The following MLLT10 variants were observed in gnomAD, a reference collection of about 807,000 sequenced individuals.
MLLT10 encodes protein AF-10.
In MLLT10, 30 loss-of-function variants were observed where a neutral mutation model predicts 129.1. That is an observed-to-expected ratio of 0.23 (90% CI 0.17 to 0.32). The LOEUF is 0.32. Ranked by LOEUF, MLLT10 falls within the 10% of genes least tolerant of loss-of-function variation. The pLI is 1.00. For synonymous variants in MLLT10, 490 were observed against 446.4 expected (o/e 1.10, Z -1.23); for missense variants, 1,119 against 1,268.3 (o/e 0.88, Z 1.79).
At chr10:21,639,511 G>A (rs1205875642) in intron 8 of MLLT10, among the ~76,000 whole-genome samples, 2 of 152,152 alleles carry the variant, frequency 1.3e-5, no homozygotes, top group East Asian at 1.9e-4. Flanking sequence ...AGGATATTAC[G>A]AAGTATACAG....
chr10:21,574,818 G>C (rs2040565940), intron 3 of MLLT10, among the ~76,000 whole-genome samples: 1 of 152,200 alleles, frequency 6.6e-6, no homozygotes, highest in South Asian at 2.1e-4. Flanking sequence ...AGGACGACCA[G>C]AGGTCAGTTT....
intron 3 of MLLT10, among the ~76,000 whole-genome samples, chr10:21,579,965 A>T (rs2041222137): frequency 6.6e-6 from 1 of 150,416 alleles, no homozygotes; most frequent in Non-Finnish European, 1.5e-5. Flanking sequence ...TTTACTTCAC[A>T]TGTTGTATTT....
intron 8 of MLLT10, among the ~76,000 whole-genome samples, chr10:21,622,076 G>A (rs1361769602): frequency 4.0e-5 from 6 of 151,898 alleles, no homozygotes; most frequent in African/African-American, 1.4e-4. Context: ...GTGCGAGCAA[G>A]GAGAGAAGAA....
At chr10:21,686,187 G>T (rs1311161569) in intron 13 of MLLT10, among the ~76,000 whole-genome samples, 2 of 151,972 alleles carry the variant, frequency 1.3e-5, no homozygotes, top group African/African-American at 4.8e-5. Context: ...TCATTCCAGG[G>T]CACCACCACA....
intron 21 of MLLT10, 53 bp downstream of exon 21, chr10:21,735,288 A>G: frequency 7.3e-7 from 1 of 1,364,804 alleles, no homozygotes; most frequent in Non-Finnish European, 1.0e-6. Flanking sequence ...TCTAAGCTGT[A>G]ATATTCACTG....
rs774574843 is a variant in MLLT10, at chr10:21,670,664, T to G, written c.1011T>G (p.Asn337Lys). The change falls in exon 10 of 23, where the codon AAT (asparagine) becomes AAG (lysine). Residue 337 changes from asparagine (N) to lysine (K), a missense_variant. By Grantham distance (94) the Asn-to-Lys change is moderately conservative (BLOSUM62 0). This residue lies in a region of MLLT10 where 1,004 missense variants were observed against 1,008.7 expected (regional missense o/e 1.00). Transcript: ENST00000307729. Reference sequence around the variant, plus strand: ...GAAGAAAGCCTGGTGGTGGAAGAAATCCAGGAACAACTGTGTCAGCAGCTA... The same window carrying G: ...GAAGAAAGCCTGGTGGTGGAAGAAAGCCAGGAACAACTGTGTCAGCAGCTA... ...QRGRKPGGGR[N>K]PGTTVSAASP... 3.7e-6 allele frequency: 6 copies of G among 1,613,992 alleles called. No individual in the cohort carries two copies. Among genetic ancestry groups the G allele is most frequent in the Non-Finnish European group, 5.1e-6 (6 of 1,180,022 alleles).
chr10:21,741,489 T>G (rs76297276), intron 22 of MLLT10, among the ~76,000 whole-genome samples: 1 of 152,134 alleles, frequency 6.6e-6, no homozygotes, highest in African/African-American at 2.4e-5. Context: ...ACAGTGACAT[T>G]TGTGATTTCA....
At chr10:21,584,248 C>T (rs551206037) in intron 3 of MLLT10, among the ~76,000 whole-genome samples, 2 of 150,464 alleles carry the variant, frequency 1.3e-5, no homozygotes, top group South Asian at 2.1e-4. Flanking sequence ...GCTGCAACCT[C>T]CGCCTTCCGG....
intron 5 of MLLT10, among the ~76,000 whole-genome samples, chr10:21,604,239 A>G (rs1407346715): frequency 6.6e-6 from 1 of 152,160 alleles, no homozygotes; most frequent in African/African-American, 2.4e-5. Flanking sequence ...AAAGTCCCAA[A>G]TCTCATCTTC....
At position 21,740,117 on chromosome 10, in the gene MLLT10, G is replaced by A. The variant is rs760105907; in HGVS notation, c.3043G>A (p.Gly1015Arg). The change falls in exon 22 of 23, where the codon GGA (glycine) becomes AGA (arginine). Residue 1015 changes from glycine to arginine, a missense_variant. Coordinates refer to ENST00000307729, the MANE Select transcript of MLLT10 (RefSeq NM_001195626.3). Reference protein sequence around the residue: ...QPELQQLQIPGPTQIPINNLL... With the variant: ...QPELQQLQIPRPTQIPINNLL... ...TGAACTTCAGCAGCTGCAGATCCCTGGACCAACACAAATACCCATAAACAA... is the reference window on the plus strand; with the variant it reads ...TGAACTTCAGCAGCTGCAGATCCCTAGACCAACACAAATACCCATAAACAA... The A allele has an allele frequency of 3.3e-5, 54 of 1,613,888 alleles. No individual in the cohort carries two copies. Among genetic ancestry groups the A allele is most frequent in the Non-Finnish European group, 4.2e-5 (50 of 1,180,024 alleles).
chr10:21,623,490 A>G (rs568820709), intron 8 of MLLT10, among the ~76,000 whole-genome samples: 1 of 152,352 alleles, frequency 6.6e-6, no homozygotes, highest in Non-Finnish European at 1.5e-5. Flanking sequence ...AGGACATCAA[A>G]GGATTTTTAG....
At chr10:21,599,263 A>G (rs952160532) in intron 5 of MLLT10, among the ~76,000 whole-genome samples, 2 of 151,788 alleles carry the variant, frequency 1.3e-5, no homozygotes, top group African/African-American at 4.8e-5. Flanking sequence ...AATTGCTTGA[A>G]CCTGGGAAGC....
chr10:21,570,462 G>A (rs1403521597), intron 3 of MLLT10, among the ~76,000 whole-genome samples: 3 of 152,016 alleles, frequency 2.0e-5, no homozygotes, highest in Non-Finnish European at 4.4e-5. Flanking sequence ...TGTGAAAGTT[G>A]TTGGCCATGA....
intron 3 of MLLT10, among the ~76,000 whole-genome samples, chr10:21,569,440 TG>T (rs890850178): frequency 4.0e-5 from 6 of 151,598 alleles, no homozygotes; most frequent in African/African-American, 1.5e-4. Context: ...TTTTTTTTTT[TG>T]TAATGGAATC....
intron 4 of MLLT10, among the ~76,000 whole-genome samples, chr10:21,593,606 C>T (rs2042716528): frequency 6.6e-6 from 1 of 151,758 alleles, no homozygotes; most frequent in Admixed American, 6.6e-5. Context: ...GTGTTTGGTA[C>T]TTATTGTGCT....
intron 8 of MLLT10, among the ~76,000 whole-genome samples, chr10:21,628,979 C>T (rs1330319916): frequency 1.3e-5 from 2 of 151,848 alleles, no homozygotes; most frequent in East Asian, 3.9e-4. Flanking sequence ...GAACTTGTGA[C>T]CTCAGGTGAT....
At chr10:21,586,054 G>T (rs116394251) in intron 3 of MLLT10, among the ~76,000 whole-genome samples, 1 of 152,184 alleles carries the variant, frequency 6.6e-6, no homozygotes, top group Non-Finnish European at 1.5e-5. Flanking sequence ...GAGCCACCGC[G>T]CCTGGCCCAT....
intron 13 of MLLT10, among the ~76,000 whole-genome samples, chr10:21,703,953 C>A (rs1333176150): frequency 7.2e-6 from 1 of 138,152 alleles, no homozygotes; most frequent in Non-Finnish European, 1.5e-5. Flanking sequence ...TTGTGAATTT[C>A]TTCTGCTTGA....
At chr10:21,551,006 C>G (rs184364710) in intron 3 of MLLT10, among the ~76,000 whole-genome samples, 15 of 151,434 alleles carry the variant, frequency 9.9e-5, no homozygotes, top group African/African-American at 2.9e-4. Context: ...GCAACCTCTG[C>G]CTCCCAGGTT....
Sources: allele counts gnomAD v4.1 joint callset (sites outside exome capture counted in the v4.1 genomes callset), GRCh38; gene constraint gnomAD v4.1.1; regional missense constraint gnomAD v4.1.1; transcripts MANE v1.5; gene names NCBI Gene and HGNC (gene_info 2026-07-23, HGNC 2026-07-21).